Variants in PLCD4 observed in about 807,000 individuals in gnomAD.
The protein encoded by PLCD4 is 1-phosphatidylinositol 4,5-bisphosphate phosphodiesterase delta-4.
A neutral mutation model predicts 90.2 loss-of-function variants in PLCD4; 63 were observed. That is an observed-to-expected ratio of 0.70 (90% CI 0.57 to 0.86). PLCD4 has a LOEUF of 0.86. Ranked by LOEUF, PLCD4 falls within the 40% of genes least tolerant of loss-of-function variation. The pLI is 0.00. For missense variants in PLCD4, 830 were observed against 956.3 expected, an observed-to-expected ratio of 0.87 and a Z score of 1.74; for synonymous variants, 294 against 356.5, an observed-to-expected ratio of 0.82 and a Z score of 1.97.
At chr2:218,620,935 CTTGTT>C (rs1257191786) in intron 4 of PLCD4, among the ~76,000 whole-genome samples, 2 of 137,728 alleles carry the variant, frequency 1.5e-5, no homozygotes, top group Admixed American at 7.3e-5. Context: ...GGAATATGGA[CTTGTT>C]TTGTTTTGAG....
At chr2:218,616,959 GA>G (rs1695634982) in intron 3 of PLCD4, among the ~76,000 whole-genome samples, 1 of 89,642 alleles carries the variant, frequency 1.1e-5, no homozygotes, top group African/African-American at 4.5e-5. Context: ...GAGAGAGAGA[GA>G]GAGAGAGAGA....
Position 218,630,812 on chromosome 2 carries a change from C to T in PLCD4, c.1272+10C>T. 6.2e-7 allele frequency: 1 copy of T among 1,605,566 alleles called. No homozygotes were observed. Among genetic ancestry groups the T allele is most frequent in the Non-Finnish European group, 8.5e-7 (1 of 1,174,810 alleles). ...GCTGCCCTCGCCTGAGGTAGGGACA[C>T]TGTTCCTCCAGCCCAGGCTCTGCTG... On this transcript the variant is annotated intron_variant, in intron 9 of 15. Coordinates refer to ENST00000450993, the MANE Select transcript of PLCD4 (RefSeq NM_032726.4).
rs1695886904 is a variant in PLCD4 at position 218,621,705 on chromosome 2, A to G, written c.540+106A>G. On this transcript the variant is annotated intron_variant, in intron 5 of 15. Coordinates refer to ENST00000450993, the MANE Select transcript of PLCD4 (RefSeq NM_032726.4). ...AACACTCAATTGTTAAATCTCTGCTATGTGCCCTAAGTGCTAGGCTCAATG... is the reference window on the plus strand; with the variant it reads ...AACACTCAATTGTTAAATCTCTGCTGTGTGCCCTAAGTGCTAGGCTCAATG... 5 of 1,412,402 alleles carry G rather than the reference A, an allele frequency of 3.5e-6. No homozygotes were observed. The Admixed American group carries it at 5.3e-5, about 15-fold the overall frequency. 87.5% of individuals were successfully genotyped at this position (1,412,402 alleles called of 1,614,324 possible).
chr2:218,615,087 G>T (rs1405927250), intron 1 of PLCD4, among the ~76,000 whole-genome samples: 1 of 152,090 alleles, frequency 6.6e-6, no homozygotes, highest in Non-Finnish European at 1.5e-5. Flanking sequence ...AATTAGCCGG[G>T]TGTGGTGGCA....
chr2:218,632,556 C>G (rs35255403), intron 10 of PLCD4, among the ~76,000 whole-genome samples: 8,564 of 152,064 alleles, frequency 0.056, 340 homozygotes, highest in East Asian at 0.12. Context: ...TGAAATCTTA[C>G]GCAAAATAGA....
At chr2:218,622,949 G>A (rs760939089) in intron 6 of PLCD4, 71 bp downstream of exon 6, 103 of 1,356,962 alleles carry the variant, frequency 7.6e-5, no homozygotes, top group Non-Finnish European at 9.4e-5. Context: ...AAGGTCCAGA[G>A]ACAAGCAGCC....
At chr2:218,619,190 C>T (rs1340453992) in intron 4 of PLCD4, among the ~76,000 whole-genome samples, 2 of 151,882 alleles carry the variant, frequency 1.3e-5, no homozygotes, top group East Asian at 3.9e-4. Context: ...GATTGTTTAC[C>T]ATTTCATTCA....
At position 218,628,183 on chromosome 2, in the gene PLCD4, A is replaced by C. The variant is rs1296178447; in HGVS notation, c.927A>C (p.Leu309=). 1 of 1,613,840 alleles carries C rather than the reference A, an allele frequency of 6.2e-7. No individual in the cohort carries two copies. Among genetic ancestry groups the C allele is most frequent in the African/African-American group, 1.3e-5 (1 of 74,888 alleles). ...TCTGCTCTTCTCATAACACCTACCTAGTGGGGGACCAGCTTTGTGGCCAGA... is the reference window on the plus strand; with the variant it reads ...TCTGCTCTTCTCATAACACCTACCTCGTGGGGGACCAGCTTTGTGGCCAGA... ...YFICSSHNTY[L]VGDQLCGQSS... Residue 309 remains leucine (L), a synonymous_variant, in exon 7 of 16, where the codon CTA becomes CTC. Transcript: ENST00000450993.
chr2:218,617,802 G>A (rs566047735), intron 3 of PLCD4, among the ~76,000 whole-genome samples: 1 of 151,620 alleles, frequency 6.6e-6, no homozygotes, highest in East Asian at 2.0e-4. Flanking sequence ...AACCTGGAAT[G>A]GGGGCCAGGC....
rs369131130 is a variant in PLCD4 at position 218,636,279 on chromosome 2, G to A, written c.2069G>A (p.Arg690Gln). 1.7e-5 allele frequency: 28 copies of A among 1,613,846 alleles called. No homozygotes were observed. In the Middle Eastern group the frequency reaches 4.9e-4, roughly 28 times the overall value. ...TACTGGGGGCAGACACTATGTTTCC[G>A]GGTGCTGGTGCCTGAACTTGCCATG... ...NPYWGQTLCF[R>Q]VLVPELAMLR... The change falls in exon 15 of 16, where the codon CGG becomes CAG. Residue 690 changes from arginine (R) to glutamine (Q), a missense_variant. Physicochemically the swap from Arg to Gln is conservative, Grantham distance 43 (BLOSUM62 1). Transcript: ENST00000450993.
chr2:218,635,549 G>C (rs1159403186), intron 13 of PLCD4, among the ~76,000 whole-genome samples: 1 of 152,146 alleles, frequency 6.6e-6, no homozygotes, highest in Non-Finnish European at 1.5e-5. Context: ...ATGTTGGCCA[G>C]GCTGGTCTCC....
rs760250710 is a variant in PLCD4, at chr2:218,633,720, C to A, written c.1565C>A (p.Ser522Tyr). The A allele has an allele frequency of 2.3e-4, 379 of 1,613,854 alleles. No individual in the cohort carries two copies. The highest frequency in any genetic ancestry group is 3.1e-4 in the Non-Finnish European group (367 of 1,179,888). ...CACTACCACTTCTACGAGATATCAT[C>A]TTTCTCTGAAACCAAGGCCAAGCGC... is the stretch of plus-strand genomic sequence containing the variant. ...KEHYHFYEIS[S>Y]FSETKAKRLI... Residue 522 changes from serine to tyrosine, a missense_variant, in exon 11 of 16, where the codon TCT (serine) becomes TAT (tyrosine). Ser to Tyr is a moderately radical substitution (Grantham distance 144). Transcript: ENST00000450993.
Position 218,634,189 on chromosome 2 carries a change from C to T in PLCD4, c.1691C>T (p.Pro564Leu), listed in dbSNP as rs1400541028. The T allele has an allele frequency of 6.2e-7, 1 of 1,611,832 alleles. No individual in the cohort carries two copies. Among genetic ancestry groups the T allele is most frequent in the South Asian group, 1.1e-5 (1 of 90,508 alleles). ...GLRTDSSNYNPQELWNAGCQM... is the reference protein window; with the variant it reads ...GLRTDSSNYNLQELWNAGCQM... ...AGGACAGACTCTTCCAACTACAACC[C>T]CCAGGAACTCTGGAATGCAGGCTGC... Residue 564 changes from proline to leucine, a missense_variant, in exon 12 of 16, where the codon CCC becomes CTC. Transcript: ENST00000450993. The surrounding 1 kb of genome is among the most constrained non-coding windows in gnomAD (Gnocchi z 4.0).
At chr2:218,632,355 T>TA in intron 10 of PLCD4, 43 bp downstream of exon 10, 1 of 1,552,610 alleles carries the variant, frequency 6.4e-7, no homozygotes, top group Non-Finnish European at 8.7e-7. Flanking sequence ...TTAGTCAACT[T>TA]ATGCAAGCTG....
At chr2:218,610,214 G>C (rs1163704645) in intron 1 of PLCD4, among the ~76,000 whole-genome samples, 1 of 151,918 alleles carries the variant, frequency 6.6e-6, no homozygotes, top group East Asian at 1.9e-4. Context: ...GAAAGAAAAT[G>C]AGATGAAAGA....
At chr2:218,614,018 C>CT (rs71036590) in intron 1 of PLCD4, among the ~76,000 whole-genome samples, 12,927 of 144,126 alleles carry the variant, frequency 0.09, 1,034 homozygotes, top group African/African-American at 0.22. Flanking sequence ...TCTTCTTCTT[C>CT]TTTTTTTTTT....
chr2:218,629,685 C>T (rs1343595153), intron 8 of PLCD4, 22 bp downstream of exon 8: 1 of 1,607,968 alleles, frequency 6.2e-7, no homozygotes, highest in East Asian at 2.2e-5. Flanking sequence ...AGGATGGGGA[C>T]ACTGGTGAGG....
intron 10 of PLCD4, 189 bp from the exon 11 acceptor site, chr2:218,633,408 GTCCGTCTA>G: frequency 1.4e-6 from 1 of 728,600 alleles, no homozygotes; most frequent in Non-Finnish European, 2.5e-6. Flanking sequence ...CCGCTGTTTT[GTCCGTCTA>G]TCTGTTGTCA....
At chr2:218,625,661 C>T (rs1696082985) in intron 6 of PLCD4, among the ~76,000 whole-genome samples, 1 of 152,234 alleles carries the variant, frequency 6.6e-6, no homozygotes, top group African/African-American at 2.4e-5. Context: ...TGGCCGGGCA[C>T]AATGGCTCAT....
Sources: allele counts gnomAD v4.1 joint callset (sites outside exome capture counted in the v4.1 genomes callset), GRCh38; gene constraint gnomAD v4.1.1; non-coding constraint Gnocchi (gnomAD v3.1); transcripts MANE v1.5; gene names NCBI Gene and HGNC (gene_info 2026-07-23, HGNC 2026-07-21).